Variants in FSCN2 observed in about 807,000 individuals in gnomAD.
The protein encoded by FSCN2 is fascin-2.
In FSCN2, 46 loss-of-function variants were observed where a neutral mutation model predicts 37.8. The ratio of observed to expected loss-of-function variants is 1.22; its 90% CI spans 0.96 to 1.56. The LOEUF (loss-of-function observed/expected upper bound fraction) is 1.56, where lower values mean the gene tolerates loss of function less well. Ranked by LOEUF, FSCN2 falls within the 40% of genes most tolerant of loss-of-function variation. The pLI is 0.00. For synonymous variants in FSCN2, 351 were observed against 309.4 expected, an observed-to-expected ratio of 1.13 and a Z score of -1.41; for missense variants, 844 against 730.4, an observed-to-expected ratio of 1.16 and a Z score of -1.79.
In FSCN2 at chr17:81,536,687, G is replaced by A. The variant is rs1329035774; in HGVS notation, c.1171G>A (p.Gly391Ser). 1.2e-6 allele frequency: 2 copies of A among 1,610,810 alleles called. No individual in the cohort carries two copies. The highest frequency in any genetic ancestry group is 1.7e-6 in the Non-Finnish European group (2 of 1,179,502). Reference protein sequence around the residue: ...RPILVLRGLDGFVCHHRGSNQ... With the variant: ...RPILVLRGLDSFVCHHRGSNQ... ...CATCCTGGTGCTGCGCGGCCTGGAC[G>A]GCTTCGTCTGCCACCACCGCGGCTC... is the stretch of plus-strand genomic sequence containing the variant. The change falls in exon 4 of 5, where the codon GGC becomes AGC. Residue 391 changes from glycine to serine, a missense_variant. By Grantham distance (56) the Gly-to-Ser change is moderately conservative (BLOSUM62 0). Coordinates refer to ENST00000417245, the MANE Select transcript of FSCN2 (RefSeq NM_012418.4).
Position 81,537,080 on chromosome 17 carries a change from A to C in FSCN2, c.1479A>C (p.Ter493CysextTer?). The stretch of plus-strand genomic sequence containing the variant: ...CCGGGACCGCGCTTTGGGAGTACTG[A>C]GGCCGCGCCCAGACCAGCCTGTCGC... ...APAGTALWEY[*>C] The change falls in exon 5 of 5, where the codon TGA (stop) becomes TGC (cysteine). Residue 493 changes from the stop codon to cysteine, a stop_lost. Coordinates refer to ENST00000417245, the MANE Select transcript of FSCN2 (RefSeq NM_012418.4). 1 of 1,441,700 alleles carries C rather than the reference A, an allele frequency of 6.9e-7. No homozygotes were observed. The highest frequency in any genetic ancestry group is 9.1e-7 in the Non-Finnish European group (1 of 1,103,908). 89.3% of individuals were successfully genotyped at this position (1,441,700 alleles called of 1,614,324 possible).
At chr17:81,523,769 C>T (rs2032271373), upstream of FSCN2, 1 of 152,334 alleles carries the variant, frequency 6.6e-6, no homozygotes, top group Non-Finnish European at 1.5e-5. Context: ...AGGCGTGGTC[C>T]TCAGCCGCGG....
rs1039088025 is a variant in FSCN2 at position 81,536,467 on chromosome 17, G to A, written c.1106-155G>A. 3.9e-5 allele frequency: 59 copies of A among 1,507,892 alleles called. 1 individual carries two copies. In the African/African-American group the frequency reaches 7.3e-4, roughly 19 times the overall value. 93.4% of individuals were successfully genotyped at this position (1,507,892 alleles called of 1,614,324 possible). ...CTGAATGTCCTTATCTCCGCTGCTG[G>A]GAACCCCCTAGGCGCCTTGCCAAGG... On this transcript the variant is annotated intron_variant, in intron 3 of 4. Transcript: ENST00000417245.
the FSCN2 span, among the ~76,000 whole-genome samples, chr17:81,522,528 A>ATTCCT: frequency 2.0e-5 from 3 of 152,276 alleles, no homozygotes; most frequent in South Asian, 4.1e-4. Flanking sequence ...GGTAGAGTTA[A>ATTCCT]TTCCTTTCCT....
Position 81,536,912 on chromosome 17 carries a change from C to T in FSCN2, c.1311C>T (p.Gly437=). Residue 437 remains glycine (G), a synonymous_variant, in exon 5 of 5, where the codon GGC becomes GGT. Transcript: ENST00000417245. ...GGTTCTGGTACACGGGCAGCCACGGCAGCGTGTGCAGCGACGGCGAACGCG... is the reference window on the plus strand; with the variant it reads ...GGTTCTGGTACACGGGCAGCCACGGTAGCGTGTGCAGCGACGGCGAACGCG... The part of the protein sequence containing the change: ...DGGFWYTGSH[G]SVCSDGERAE... 1 of 1,575,060 alleles carries T rather than the reference C, an allele frequency of 6.3e-7. No individual in the cohort carries two copies. The highest frequency in any genetic ancestry group is 8.6e-7 in the Non-Finnish European group (1 of 1,164,552).
chr17:81,519,770 G>A, the FSCN2 span, among the ~76,000 whole-genome samples: 1 of 152,156 alleles, frequency 6.6e-6, no homozygotes, highest in Non-Finnish European at 1.5e-5. Context: ...GGTGGCCCGG[G>A]CCTCCACTCA....
chr17:81,518,258 TATTG>T, the FSCN2 span, among the ~76,000 whole-genome samples: 521 of 152,234 alleles, frequency 3.4e-3, 4 homozygotes, highest in African/African-American at 0.012. Flanking sequence ...CATCAACTCC[TATTG>T]ATTATTAGCT....
intron 1 of FSCN2, among the ~76,000 whole-genome samples, chr17:81,531,909 G>T (rs1232954511): frequency 2.1e-5 from 3 of 143,278 alleles, no homozygotes; most frequent in Non-Finnish European, 4.6e-5. Context: ...GATAGTGATG[G>T]TGATGATGGT....
At position 81,528,996 on chromosome 17, in the gene FSCN2, C is replaced by A; in HGVS notation, c.465C>A (p.Cys155Ter). 1 of 1,582,866 alleles carries A rather than the reference C, an allele frequency of 6.3e-7. No homozygotes were observed. The highest frequency in any genetic ancestry group is 8.6e-7 in the Non-Finnish European group (1 of 1,169,394). The change falls in exon 1 of 5, where the codon TGC becomes TGA. Residue 155 changes from cysteine (C) to a stop codon, truncating the protein, a stop_gained. Transcript: ENST00000417245. LOFTEE classifies it high-confidence loss of function. ...GCCGGCGGCGCTACGTGCACCTGTG[C>A]CCGCGGGAGGACGAGATGGCCGCAG... Reference protein sequence around the residue: ...SVSRRRYVHLCPREDEMAADG... With the variant: ...SVSRRRYVHL
chr17:81,526,159 G>A (rs1396670186), upstream of FSCN2, among the ~76,000 whole-genome samples: 2 of 152,222 alleles, frequency 1.3e-5, no homozygotes, highest in Admixed American at 1.3e-4. Flanking sequence ...CCCAGACAGC[G>A]CTAATGAGGC....
the FSCN2 span, among the ~76,000 whole-genome samples, chr17:81,517,417 T>C: frequency 6.6e-6 from 1 of 152,206 alleles, no homozygotes; most frequent in Non-Finnish European, 1.5e-5. Context: ...CTGAGGCTGC[T>C]TGCCCTCCCG....
In FSCN2 at chr17:81,528,416, C is replaced by A; in HGVS notation, c.-116C>A. 1.3e-6 allele frequency: 1 copy of A among 745,068 alleles called. No homozygotes were observed. 46.2% of individuals were successfully genotyped at this position (745,068 alleles called of 1,614,324 possible). ...GCAGGCAGGGGGTTCGTGACGCCGG[C>A]TGGGTCTGGGGGCTGTGGGCCAGCC... On this transcript the variant is annotated 5_prime_UTR_variant, in exon 1 of 5. In the 5' UTR this introduces an upstream ATG that the reference lacks. Coordinates refer to ENST00000417245, the MANE Select transcript of FSCN2 (RefSeq NM_012418.4).
upstream of FSCN2, among the ~76,000 whole-genome samples, chr17:81,525,045 A>G (rs2032309753): frequency 6.6e-6 from 1 of 152,142 alleles, no homozygotes; most frequent in African/African-American, 2.4e-5. Flanking sequence ...GCCGGAGCCC[A>G]GGAGTTCGGG....
chr17:81,517,652 G>A, the FSCN2 span, among the ~76,000 whole-genome samples: 1 of 152,108 alleles, frequency 6.6e-6, no homozygotes, highest in African/African-American at 2.4e-5. Flanking sequence ...CGAGAAGAAG[G>A]CTCCTTTCCC....
At chr17:81,526,761 G>C (rs1327343571), upstream of FSCN2, among the ~76,000 whole-genome samples, 1 of 152,256 alleles carries the variant, frequency 6.6e-6, no homozygotes, top group African/African-American at 2.4e-5. Context: ...AACTGTGGGA[G>C]AGTGTGTGTG....
chr17:81,516,459 A>C, the FSCN2 span, among the ~76,000 whole-genome samples: 2 of 152,028 alleles, frequency 1.3e-5, no homozygotes, highest in Non-Finnish European at 2.9e-5. Context: ...CTTCTCCCAC[A>C]CCCTTTTGGA....
At chr17:81,518,797 C>T in the FSCN2 span, among the ~76,000 whole-genome samples, 1 of 152,224 alleles carries the variant, frequency 6.6e-6, no homozygotes, top group Non-Finnish European at 1.5e-5. Context: ...CCAGGTGTCT[C>T]CACTCGAGGG....
At chr17:81,524,467 G>T (rs376268050), upstream of FSCN2, among the ~76,000 whole-genome samples, 20 of 152,232 alleles carry the variant, frequency 1.3e-4, no homozygotes, top group African/African-American at 4.6e-4. Flanking sequence ...AGCCTCAGAG[G>T]TGGGCGAGGG....
At chr17:81,536,397 C>T (rs1456414852) in intron 3 of FSCN2, 130 bp downstream of exon 3, 1 of 1,431,722 alleles carries the variant, frequency 7.0e-7, no homozygotes. Context: ...GTCATGGAGT[C>T]ATACTTGCTA....
Sources: gnomAD v4.1 joint callset for allele counts (sites outside exome capture counted in the v4.1 genomes callset) on GRCh38, gnomAD v4.1.1 for gene constraint, MANE v1.5 for transcripts, NCBI Gene and HGNC (gene_info 2026-07-23, HGNC 2026-07-21) for gene names.